UNC13C: variants seen among roughly 807,000 people sequenced by gnomAD.
UNC13C encodes the protein unc-13 homolog C.
A neutral mutation model predicts 245.4 loss-of-function variants in UNC13C; 174 were observed. That is an observed-to-expected ratio of 0.71 (90% CI 0.63 to 0.80). UNC13C has a LOEUF of 0.80. Among genes scored for constraint, UNC13C ranks in the 30% least tolerant of loss-of-function variants. The pLI, the probability that UNC13C is intolerant of heterozygous loss-of-function variation, is 0.00. For missense variants in UNC13C, 2,829 were observed against 2,602.9 expected (o/e 1.09, Z -1.89); for synonymous variants, 992 against 895.1 (o/e 1.11, Z -1.93).
chr15:54,185,637 T>A (rs1476837381), intron 4 of UNC13C, among the ~76,000 whole-genome samples: 3 of 146,552 alleles, frequency 2.0e-5, no homozygotes. Context: ...TATATCTCTG[T>A]TTTTGTACCA....
the UNC13C span, among the ~76,000 whole-genome samples, chr15:53,960,545 AAAAAT>A: frequency 6.6e-6 from 1 of 152,120 alleles, no homozygotes; most frequent in Non-Finnish European, 1.5e-5. Context: ...GAATTATGAC[AAAAAT>A]AAAACTTATT....
the UNC13C span, among the ~76,000 whole-genome samples, chr15:53,900,429 TC>T: frequency 2.6e-5 from 4 of 152,220 alleles, no homozygotes; most frequent in Non-Finnish European, 5.9e-5. Flanking sequence ...GATTATCTTT[TC>T]TTTTAGCTTT....
At chr15:54,343,402 C>T (rs1038908407) in intron 17 of UNC13C, among the ~76,000 whole-genome samples, 1 of 151,706 alleles carries the variant, frequency 6.6e-6, no homozygotes, top group Non-Finnish European at 1.5e-5. Flanking sequence ...CAAAGTGCTG[C>T]GATTACAGGC....
chr15:54,334,206 C>T (rs1006552809), intron 16 of UNC13C, among the ~76,000 whole-genome samples: 2 of 151,904 alleles, frequency 1.3e-5, no homozygotes, highest in African/African-American at 4.8e-5. Flanking sequence ...GATGTTTTGC[C>T]GACTTTTTTG....
intron 30 of UNC13C, among the ~76,000 whole-genome samples, chr15:54,610,327 C>T (rs1462890605): frequency 6.6e-6 from 1 of 152,022 alleles, no homozygotes; most frequent in Non-Finnish European, 1.5e-5. Flanking sequence ...CCTCCGCCTT[C>T]CGGGTTCAGC....
In UNC13C at chr15:54,499,007, C is replaced by T. The variant is rs530719811; in HGVS notation, c.5061-1072C>T. On this transcript the variant is annotated intron_variant, in intron 20 of 32. Coordinates refer to ENST00000260323, the MANE Select transcript of UNC13C (RefSeq NM_001080534.3). ...TTCTTAAGAGAGTGTCATGTTAATG[C>T]ATTTCTCAGTCCTTTCTCACACTGC... Among the ~76,000 whole-genome samples, 11 of 152,200 alleles carry T rather than the reference C, an allele frequency of 7.2e-5. No individual in the cohort carries two copies. In the South Asian group the frequency reaches 2.3e-3, roughly 32 times the overall value.
chr15:54,227,567 G>A (rs1296542401), intron 4 of UNC13C, among the ~76,000 whole-genome samples: 1 of 152,160 alleles, frequency 6.6e-6, no homozygotes, highest in African/African-American at 2.4e-5. Context: ...GGGGGGTAGT[G>A]TGTCAGGACT....
intron 2 of UNC13C, among the ~76,000 whole-genome samples, chr15:54,017,222 G>C (rs374709623): frequency 7.0e-6 from 1 of 143,806 alleles, no homozygotes; most frequent in Admixed American, 6.7e-5. Flanking sequence ...TTGTGTTTTT[G>C]TTTTTTTTGC....
chr15:54,575,774 T>A (rs573046061), intron 30 of UNC13C, among the ~76,000 whole-genome samples: 1 of 152,320 alleles, frequency 6.6e-6, no homozygotes, highest in South Asian at 2.1e-4. Flanking sequence ...ATCCAGCAGG[T>A]CTATGTCACT....
intron 2 of UNC13C, among the ~76,000 whole-genome samples, chr15:54,062,068 C>G (rs1418201039): frequency 6.6e-6 from 1 of 152,030 alleles, no homozygotes; most frequent in Non-Finnish European, 1.5e-5. Context: ...ACCTGTAATC[C>G]CAGCAGTTTG....
intron 18 of UNC13C, among the ~76,000 whole-genome samples, chr15:54,404,862 C>T (rs2040261484): frequency 6.6e-6 from 1 of 152,102 alleles, no homozygotes; most frequent in Non-Finnish European, 1.5e-5. Flanking sequence ...TAAAACCATT[C>T]AGTGCTGTGA....
At chr15:54,090,762 C>A (rs913501368) in intron 2 of UNC13C, among the ~76,000 whole-genome samples, 1 of 152,150 alleles carries the variant, frequency 6.6e-6, no homozygotes, top group Admixed American at 6.5e-5. Flanking sequence ...TCTGGAGAGA[C>A]TCTCAGCCTG....
At chr15:54,455,208 T>TCTCTCCCC (rs1567289113) in intron 19 of UNC13C, among the ~76,000 whole-genome samples, 1 of 56,672 alleles carries the variant, frequency 1.8e-5, no homozygotes, top group African/African-American at 7.5e-5. Flanking sequence ...TCTCTCTCTA[T>TCTCTCCCC]ATATATATAT....
At chr15:54,464,752 T>A (rs1223111268) in intron 19 of UNC13C, among the ~76,000 whole-genome samples, 1 of 152,084 alleles carries the variant, frequency 6.6e-6, no homozygotes, top group African/African-American at 2.4e-5. Context: ...AAAATGAGTG[T>A]AAATTAATGT....
intron 2 of UNC13C, among the ~76,000 whole-genome samples, chr15:54,054,725 T>C (rs769208170): frequency 8.6e-4 from 131 of 152,342 alleles, no homozygotes; most frequent in Non-Finnish European, 1.1e-3. Flanking sequence ...ATTATTTGCA[T>C]TAAACCTGTA....
intron 2 of UNC13C, among the ~76,000 whole-genome samples, chr15:54,116,105 C>G (rs35607945): frequency 0.19 from 28,863 of 151,752 alleles, 2,911 homozygotes; most frequent in South Asian, 0.29. Context: ...TCCTTGCCCG[C>G]CCCCTCACCT....
chr15:54,373,476 C>A (rs2039537948), intron 17 of UNC13C, among the ~76,000 whole-genome samples: 1 of 152,132 alleles, frequency 6.6e-6, no homozygotes, highest in Non-Finnish European at 1.5e-5. Flanking sequence ...TCTGCACAGC[C>A]AGGCACACTG....
chr15:54,573,484 TAA>T (rs1411003895), intron 30 of UNC13C, among the ~76,000 whole-genome samples: 2 of 152,338 alleles, frequency 1.3e-5, no homozygotes, highest in East Asian at 1.9e-4. Context: ...ATTTAATATA[TAA>T]GAGTCACATG....
intron 10 of UNC13C, among the ~76,000 whole-genome samples, chr15:54,266,113 A>G (rs1442569351): frequency 3.9e-5 from 6 of 152,008 alleles, no homozygotes; most frequent in African/African-American, 9.7e-5. Flanking sequence ...AAATTCCTAC[A>G]TGAGTTAAAG....
Sources: gnomAD v4.1 joint callset for allele counts (sites outside exome capture counted in the v4.1 genomes callset) on GRCh38, gnomAD v4.1.1 for gene constraint, MANE v1.5 for transcripts, NCBI Gene and HGNC (gene_info 2026-07-23, HGNC 2026-07-21) for gene names.